The following SLC24A2 variants were observed in gnomAD, a reference collection of about 807,000 sequenced individuals.
SLC24A2 encodes the protein sodium/potassium/calcium exchanger 2.
Under a neutral mutation model 62.0 loss-of-function variants are expected in SLC24A2, and 36 were observed. That is an observed-to-expected ratio of 0.58 (90% CI 0.44 to 0.77). SLC24A2 has a LOEUF of 0.77. SLC24A2 is among the 30% of genes least tolerant of loss of function. SLC24A2 has a pLI of 0.00. For missense variants in SLC24A2, 846 were observed against 817.9 expected (o/e 1.03, Z -0.42); for synonymous variants, 358 against 294.0 (o/e 1.22, Z -2.23).
chr9:19,613,352 T>C (rs1442986167), intron 4 of SLC24A2, among the ~76,000 whole-genome samples: 4 of 152,210 alleles, frequency 2.6e-5, no homozygotes, highest in Admixed American at 2.0e-4. Flanking sequence ...GATGGCAGCC[T>C]GGGCTGCAGA....
chr9:20,194,962 T>C, the SLC24A2 span, among the ~76,000 whole-genome samples: 1 of 152,174 alleles, frequency 6.6e-6, no homozygotes, highest in Non-Finnish European at 1.5e-5. Context: ...TGTTTTTCTT[T>C]ATAGTTTTAT....
chr9:20,216,772 T>C, the SLC24A2 span, among the ~76,000 whole-genome samples: 1 of 152,204 alleles, frequency 6.6e-6, no homozygotes, highest in East Asian at 1.9e-4. Context: ...CATGTCTCAT[T>C]TGTTGTAAAA....
the SLC24A2 span, among the ~76,000 whole-genome samples, chr9:20,054,637 G>C: frequency 3.9e-5 from 6 of 152,022 alleles, no homozygotes; most frequent in African/African-American, 1.5e-4. Flanking sequence ...TTATGCCTTT[G>C]CATTCTCATA....
At chr9:20,020,853 A>T in the SLC24A2 span, among the ~76,000 whole-genome samples, 2 of 152,230 alleles carry the variant, frequency 1.3e-5, no homozygotes, top group Admixed American at 1.3e-4. Context: ...GGAAAGTCAA[A>T]GGAAAACTTG....
chr9:20,129,463 C>T, the SLC24A2 span, among the ~76,000 whole-genome samples: 19 of 152,114 alleles, frequency 1.2e-4, 1 homozygote, highest in East Asian at 2.7e-3. Context: ...GAAGTTCAAA[C>T]AAAAACTTGT....
chr9:19,665,047 T>A (rs187465195), intron 2 of SLC24A2, among the ~76,000 whole-genome samples: 1 of 152,142 alleles, frequency 6.6e-6, no homozygotes, highest in African/African-American at 2.4e-5. Flanking sequence ...CTCTTCCTCA[T>A]AGAATTTCAA....
At chr9:19,940,770 C>G in the SLC24A2 span, among the ~76,000 whole-genome samples, 1 of 152,228 alleles carries the variant, frequency 6.6e-6, no homozygotes, top group Non-Finnish European at 1.5e-5. Context: ...ACAATGCCTG[C>G]TCCCAAGGGT....
At chr9:19,854,831 G>T in the SLC24A2 span, among the ~76,000 whole-genome samples, 1 of 152,110 alleles carries the variant, frequency 6.6e-6, no homozygotes, top group Non-Finnish European at 1.5e-5. Context: ...CTGAGCTCAA[G>T]TCCTGAATAT....
the SLC24A2 span, among the ~76,000 whole-genome samples, chr9:20,022,427 T>C: frequency 0.15 from 22,150 of 152,150 alleles, 2,431 homozygotes; most frequent in East Asian, 0.43. Context: ...ACAGAACAAT[T>C]ATGCAACTTG....
chr9:20,026,940 TC>T, the SLC24A2 span, among the ~76,000 whole-genome samples: 5 of 152,186 alleles, frequency 3.3e-5, no homozygotes, highest in East Asian at 7.7e-4. Flanking sequence ...AGGGTTGATG[TC>T]CAAAATATAT....
At chr9:20,101,302 T>G in the SLC24A2 span, among the ~76,000 whole-genome samples, 37 of 152,330 alleles carry the variant, frequency 2.4e-4, no homozygotes, top group East Asian at 3.9e-4. Context: ...TTGCTGAGAA[T>G]TGGACTTACT....
At chr9:20,068,793 T>C in the SLC24A2 span, among the ~76,000 whole-genome samples, 1 of 152,140 alleles carries the variant, frequency 6.6e-6, no homozygotes, top group Non-Finnish European at 1.5e-5. Context: ...CTCATACTAA[T>C]ATGGACAAGT....
rs77855140 is a variant in SLC24A2 at position 19,577,655 on chromosome 9, G to A, written c.1130-633C>T. Among the ~76,000 whole-genome samples, 23 of 152,124 alleles carry A rather than the reference G, an allele frequency of 1.5e-4. No individual in the cohort carries two copies. The East Asian group carries it at 4.4e-3, about 29-fold the overall frequency. Reference sequence around the variant, plus strand: ...TAAGAAGGCAACTGATTCCATTTGTGGATTTAGGGCAAGGAAGGATCAACT... The same window carrying A: ...TAAGAAGGCAACTGATTCCATTTGTAGATTTAGGGCAAGGAAGGATCAACT... On this transcript the variant is annotated intron_variant, in intron 5 of 10. Coordinates refer to ENST00000341998, the MANE Select transcript of SLC24A2 (RefSeq NM_020344.4).
the SLC24A2 span, among the ~76,000 whole-genome samples, chr9:19,815,351 A>T: frequency 0.013 from 2,027 of 152,226 alleles, 40 homozygotes; most frequent in East Asian, 0.081. Flanking sequence ...GCCTCTGAGG[A>T]TACATTGCTT....
intron 7 of SLC24A2, among the ~76,000 whole-genome samples, chr9:19,551,755 G>C (rs1834857120): frequency 6.6e-6 from 1 of 152,166 alleles, no homozygotes; most frequent in Admixed American, 6.5e-5. Context: ...AGAGGTCAGG[G>C]CTGGGTGAGA....
intron 2 of SLC24A2, among the ~76,000 whole-genome samples, chr9:19,757,447 T>A (rs554585350): frequency 3.9e-5 from 6 of 152,290 alleles, no homozygotes; most frequent in African/African-American, 1.4e-4. Flanking sequence ...CTCCTCCTCC[T>A]TTGTCTTGCT....
intron 2 of SLC24A2, among the ~76,000 whole-genome samples, chr9:19,678,302 C>T (rs2118370196): frequency 6.6e-6 from 1 of 152,320 alleles, no homozygotes; most frequent in East Asian, 1.9e-4. Flanking sequence ...GAACCTTCTC[C>T]TACATCTATA....
At chr9:19,688,496 C>G (rs1326397113) in intron 2 of SLC24A2, among the ~76,000 whole-genome samples, 4 of 151,996 alleles carry the variant, frequency 2.6e-5, no homozygotes, top group Non-Finnish European at 5.9e-5. Flanking sequence ...TACGGAAAAG[C>G]TGTAGGAAAG....
At chr9:20,203,883 A>C in the SLC24A2 span, among the ~76,000 whole-genome samples, 2 of 152,228 alleles carry the variant, frequency 1.3e-5, no homozygotes. Context: ...GCATCCCTTC[A>C]AACAAATATT....
Sources: allele counts gnomAD v4.1 joint callset (sites outside exome capture counted in the v4.1 genomes callset), GRCh38; gene constraint gnomAD v4.1.1; transcripts MANE v1.5; gene names NCBI Gene and HGNC (gene_info 2026-07-23, HGNC 2026-07-21).